Variants in C7orf78 observed in about 807,000 individuals in gnomAD.
C7orf78 encodes the protein chromosome 7 open reading frame 78, also known as putative uncharacterized protein C7orf78.
chr7:12,513,955 A>C, the C7orf78 span, among the ~76,000 whole-genome samples: 35 of 152,106 alleles, frequency 2.3e-4, no homozygotes, highest in East Asian at 5.8e-4. Flanking sequence ...AGCTGAGATC[A>C]CGCCACTGCA....
the C7orf78 span, chr7:12,528,844 C>T: frequency 2.5e-6 from 1 of 397,548 alleles, no homozygotes; most frequent in East Asian, 3.6e-5. Flanking sequence ...ATCTGAGAGA[C>T]ATCATGAACA....
At chr7:12,517,048 G>A in the C7orf78 span, among the ~76,000 whole-genome samples, 8 of 152,016 alleles carry the variant, frequency 5.3e-5, no homozygotes, top group African/African-American at 1.9e-4. Flanking sequence ...ATTTGGAGGG[G>A]CCAGGGGTGG....
At chr7:12,484,945 C>G in the C7orf78 span, among the ~76,000 whole-genome samples, 1 of 152,070 alleles carries the variant, frequency 6.6e-6, no homozygotes, top group Non-Finnish European at 1.5e-5. Flanking sequence ...CTCATAGCAA[C>G]TAATTTATAT....
At chr7:12,541,330 T>A in the C7orf78 span, 1 of 152,232 alleles carries the variant, frequency 6.6e-6, no homozygotes, top group South Asian at 2.1e-4. Context: ...AAATTTTATC[T>A]GTTTGCCTCC....
At chr7:12,529,009 A>G in the C7orf78 span, 1 of 398,526 alleles carries the variant, frequency 2.5e-6, no homozygotes, top group Non-Finnish European at 4.4e-6. Flanking sequence ...AATTTTGACG[A>G]AAGCCCCATG....
the C7orf78 span, among the ~76,000 whole-genome samples, chr7:12,492,736 G>C: frequency 1.3e-5 from 2 of 152,210 alleles, no homozygotes; most frequent in African/African-American, 4.8e-5. Context: ...TTTGTCTGGA[G>C]TATGACAGCA....
At chr7:12,488,696 C>A in the C7orf78 span, among the ~76,000 whole-genome samples, 25 of 151,944 alleles carry the variant, frequency 1.6e-4, no homozygotes, top group Non-Finnish European at 3.1e-4. Flanking sequence ...AGCCCTTGGA[C>A]ATTCAATGAG....
the C7orf78 span, among the ~76,000 whole-genome samples, chr7:12,510,553 T>C: frequency 6.6e-6 from 1 of 152,302 alleles, no homozygotes; most frequent in African/African-American, 2.4e-5. Context: ...GTTTCCTTTT[T>C]TCTATACTCT....
At chr7:12,495,231 C>T in the C7orf78 span, among the ~76,000 whole-genome samples, 1 of 152,288 alleles carries the variant, frequency 6.6e-6, no homozygotes, top group African/African-American at 2.4e-5. Flanking sequence ...ATTTGTTACT[C>T]ATGAAAGTCT....
the C7orf78 span, among the ~76,000 whole-genome samples, chr7:12,484,796 G>A: frequency 6.6e-6 from 1 of 151,962 alleles, no homozygotes; most frequent in Non-Finnish European, 1.5e-5. Context: ...TTGGACTAAA[G>A]CTTTCTACTT....
the C7orf78 span, chr7:12,531,206 T>C: frequency 2.5e-6 from 1 of 394,200 alleles, no homozygotes; most frequent in East Asian, 3.6e-5. Context: ...TCTACTGTCA[T>C]AGGAACTATA....
the C7orf78 span, among the ~76,000 whole-genome samples, chr7:12,511,510 G>A: frequency 6.6e-6 from 1 of 152,068 alleles, no homozygotes; most frequent in Admixed American, 6.6e-5. Context: ...CCATAAGCAT[G>A]GGATGTTTTT....
chr7:12,530,709 A>G, the C7orf78 span, among the ~76,000 whole-genome samples: 1 of 152,108 alleles, frequency 6.6e-6, no homozygotes, highest in African/African-American at 2.4e-5. Context: ...ATTTTTCCCA[A>G]ATTTCCTCTT....
the C7orf78 span, among the ~76,000 whole-genome samples, chr7:12,496,938 G>GA: frequency 0.16 from 24,302 of 152,044 alleles, 2,347 homozygotes; most frequent in South Asian, 0.24. Flanking sequence ...AAATAATACA[G>GA]AAAAAATTTT....
chr7:12,518,215 G>A, the C7orf78 span, among the ~76,000 whole-genome samples: 38 of 152,270 alleles, frequency 2.5e-4, no homozygotes, highest in Admixed American at 7.8e-4. Context: ...CTGGGAAAAG[G>A]GATTGCAGGT....
the C7orf78 span, among the ~76,000 whole-genome samples, chr7:12,513,054 T>TTTCTC: frequency 0.55 from 83,101 of 151,134 alleles, 23,298 homozygotes; most frequent in East Asian, 0.73. Flanking sequence ...CTTAGAGTCT[T>TTTCTC]TTTTATTCTT....
At chr7:12,513,791 G>C in the C7orf78 span, among the ~76,000 whole-genome samples, 1 of 151,568 alleles carries the variant, frequency 6.6e-6, no homozygotes, top group Admixed American at 6.6e-5. Flanking sequence ...ACGACGTCAG[G>C]AGATTGAGAC....
chr7:12,531,472 G>A, the C7orf78 span, among the ~76,000 whole-genome samples: 1 of 152,072 alleles, frequency 6.6e-6, no homozygotes, highest in Non-Finnish European at 1.5e-5. Context: ...TGTAATTTGT[G>A]ATCTTGGATG....
At chr7:12,531,367 T>G in the C7orf78 span, among the ~76,000 whole-genome samples, 2 of 152,132 alleles carry the variant, frequency 1.3e-5, no homozygotes, top group Non-Finnish European at 2.9e-5. Flanking sequence ...CACATGTCAA[T>G]GTCATCTCTG....
Sources: gnomAD v4.1 joint callset for allele counts (sites outside exome capture counted in the v4.1 genomes callset) on GRCh38, gnomAD v4.1.1 for gene constraint, MANE v1.5 for transcripts, NCBI Gene and HGNC (gene_info 2026-07-23, HGNC 2026-07-21) for gene names.